Variants in KCNMA1 observed in about 807,000 individuals in gnomAD.
The protein encoded by KCNMA1 is Calcium-activated potassium channel subunit alpha-1.
KCNMA1 carries 29 observed loss-of-function variants against 140.0 expected under a neutral mutation model. The ratio of observed to expected loss-of-function variants is 0.21; its 90% CI spans 0.15 to 0.28. The LOEUF (loss-of-function observed/expected upper bound fraction) is 0.28, where lower values mean the gene tolerates loss of function less well. KCNMA1 is among the 10% of genes least tolerant of loss of function. KCNMA1 has a pLI of 1.00. For missense variants in KCNMA1, 880 were observed against 1,602.2 expected (o/e 0.55, Z 7.70); for synonymous variants, 612 against 611.9 (o/e 1.00, Z 0.00).
At chr10:77,620,344 T>A (rs2090997246) in intron 1 of KCNMA1, among the ~76,000 whole-genome samples, 1 of 152,164 alleles carries the variant, frequency 6.6e-6, no homozygotes, top group African/African-American at 2.4e-5. Flanking sequence ...ACTGCCACTT[T>A]CCATGCAGGT....
intron 25 of KCNMA1, among the ~76,000 whole-genome samples, chr10:76,907,341 T>C (rs958136613): frequency 1.3e-5 from 2 of 152,206 alleles, no homozygotes; most frequent in African/African-American, 4.8e-5. Flanking sequence ...ACTGATGATA[T>C]AGATGCTTGT....
At chr10:77,269,780 T>C (rs554446633) in intron 2 of KCNMA1, among the ~76,000 whole-genome samples, 3 of 152,298 alleles carry the variant, frequency 2.0e-5, no homozygotes, top group South Asian at 2.1e-4. Flanking sequence ...TGGTCTTCAA[T>C]GTCCCCACTT....
chr10:77,573,408 G>A (rs2072478344), intron 1 of KCNMA1, among the ~76,000 whole-genome samples: 1 of 152,138 alleles, frequency 6.6e-6, no homozygotes. Flanking sequence ...GCAGGGGCAG[G>A]CTGGGCAGGG....
At chr10:77,595,785 A>T (rs930865284) in intron 1 of KCNMA1, among the ~76,000 whole-genome samples, 33 of 152,114 alleles carry the variant, frequency 2.2e-4, no homozygotes, top group African/African-American at 8.0e-4. Context: ...AGTAGCTGGG[A>T]CTACAGGTGC....
At chr10:77,058,889 G>A (rs539822229) in intron 14 of KCNMA1, among the ~76,000 whole-genome samples, 27 of 151,460 alleles carry the variant, frequency 1.8e-4, no homozygotes, top group Admixed American at 3.3e-4. Flanking sequence ...AAGCAGAAAG[G>A]AAACAAACAA....
intron 14 of KCNMA1, among the ~76,000 whole-genome samples, chr10:77,050,747 G>A (rs1468446350): frequency 6.6e-6 from 1 of 152,186 alleles, no homozygotes; most frequent in Non-Finnish European, 1.5e-5. Flanking sequence ...AGAATAAGGG[G>A]CAAGTATTCT....
intron 16 of KCNMA1, among the ~76,000 whole-genome samples, chr10:77,022,263 G>T (rs1379669547): frequency 6.6e-6 from 1 of 152,110 alleles, no homozygotes; most frequent in Non-Finnish European, 1.5e-5. Flanking sequence ...TAGTTTATCA[G>T]AGATAAACTT....
intron 2 of KCNMA1, among the ~76,000 whole-genome samples, chr10:77,361,303 C>A (rs2093928097): frequency 1.3e-5 from 2 of 152,292 alleles, no homozygotes; most frequent in South Asian, 4.1e-4. Context: ...CCTGAGAATT[C>A]CCAACTCTGA....
chr10:77,403,948 C>A lies in KCNMA1; in HGVS notation c.454G>T (p.Val152Leu). The change falls in exon 2 of 28, where the codon GTG becomes TTG. Residue 152 changes from valine to leucine, a missense_variant. Transcript: ENST00000286628. ...GTCATCCAGCCGACCTCGGCGGCCA[C>A]TGCCTCCTCTTTTTCATCCACTGGT... Reference protein sequence around the residue: ...LKPVDEKEEAVAAEVGWMTSV... With the variant: ...LKPVDEKEEALAAEVGWMTSV... The A allele has an allele frequency of 6.2e-7, 1 of 1,614,204 alleles. No homozygotes were observed.
At chr10:77,188,580 G>T (rs917067984) in intron 3 of KCNMA1, among the ~76,000 whole-genome samples, 11 of 152,156 alleles carry the variant, frequency 7.2e-5, no homozygotes, top group Non-Finnish European at 1.3e-4. Context: ...TAAATGTTCA[G>T]TTGTAGGGTA....
intron 15 of KCNMA1, among the ~76,000 whole-genome samples, chr10:77,037,679 C>T (rs2094426119): frequency 6.6e-6 from 1 of 152,116 alleles, no homozygotes; most frequent in Non-Finnish European, 1.5e-5. Flanking sequence ...TTGACGGAGC[C>T]CCTGCTGACA....
At chr10:77,586,838 C>G (rs954595483) in intron 1 of KCNMA1, among the ~76,000 whole-genome samples, 5 of 152,200 alleles carry the variant, frequency 3.3e-5, no homozygotes, top group African/African-American at 1.2e-4. Flanking sequence ...ACTCAGCCCT[C>G]ACTATTGACT....
At position 77,515,304 on chromosome 10, in the gene KCNMA1, A is replaced by AT. The variant is rs1435501765; in HGVS notation, c.379-111282dup. On this transcript the variant is annotated intron_variant, in intron 1 of 27. Coordinates refer to ENST00000286628, the MANE Select transcript of KCNMA1 (RefSeq NM_001161352.2). ...CACAAAGGTACATTTTCAATCTTTTATTTTTTCAAAAACAGCTAGCAATCC... is the reference window on the plus strand; with the variant it reads ...CACAAAGGTACATTTTCAATCTTTTATTTTTTTCAAAAACAGCTAGCAATCC... Among the ~76,000 whole-genome samples, 4 of 152,084 alleles carry AT rather than the reference A, an allele frequency of 2.6e-5. No homozygotes were observed. In the East Asian group the frequency reaches 7.7e-4, roughly 29 times the overall value.
At chr10:77,368,420 C>A (rs980338392) in intron 2 of KCNMA1, among the ~76,000 whole-genome samples, 2 of 152,160 alleles carry the variant, frequency 1.3e-5, no homozygotes, top group African/African-American at 4.8e-5. Context: ...TTTGAGAGTT[C>A]TTTATATATC....
intron 1 of KCNMA1, among the ~76,000 whole-genome samples, chr10:77,456,572 A>G (rs1197541122): frequency 6.6e-6 from 1 of 152,214 alleles, no homozygotes; most frequent in Non-Finnish European, 1.5e-5. Context: ...CGTCTGGCAT[A>G]TGGCAGGTGC....
At chr10:77,012,539 G>A in intron 17 of KCNMA1, 1 of 1,550,124 alleles carries the variant, frequency 6.5e-7, no homozygotes, top group Non-Finnish European at 8.7e-7. Context: ...CAGCCAAAGG[G>A]AGACAGAGTT....
chr10:77,412,792 G>GA, intron 1 of KCNMA1, among the ~76,000 whole-genome samples: 2 of 152,306 alleles, frequency 1.3e-5, no homozygotes, highest in East Asian at 3.9e-4. Context: ...ATTTTCTGGG[G>GA]AAAAACATTA....
intron 1 of KCNMA1, among the ~76,000 whole-genome samples, chr10:77,429,632 T>C (rs974827290): frequency 1.3e-5 from 2 of 152,188 alleles, no homozygotes; most frequent in Non-Finnish European, 2.9e-5. Flanking sequence ...TAGTAGTCTA[T>C]TAAAGGCCCT....
chr10:76,937,450 A>G (rs1330395880), intron 23 of KCNMA1, among the ~76,000 whole-genome samples: 3 of 152,240 alleles, frequency 2.0e-5, no homozygotes, highest in Admixed American at 2.0e-4. Context: ...GCTCAAAAGA[A>G]ATGATGCTTT....
Sources: gnomAD v4.1 joint callset for allele counts (sites outside exome capture counted in the v4.1 genomes callset) on GRCh38, gnomAD v4.1.1 for gene constraint, MANE v1.5 for transcripts, NCBI Gene and HGNC (gene_info 2026-07-23, HGNC 2026-07-21) for gene names.